SNAP47: variants seen among roughly 807,000 people sequenced by gnomAD.
The protein encoded by SNAP47 is synaptosomal-associated protein 47.
Under a neutral mutation model 31.4 loss-of-function variants are expected in SNAP47, and 20 were observed. The ratio of observed to expected loss-of-function variants is 0.64; its 90% CI spans 0.45 to 0.93. The LOEUF (loss-of-function observed/expected upper bound fraction) is 0.93, where lower values mean the gene tolerates loss of function less well. Among genes scored for constraint, SNAP47 ranks in the 40% least tolerant of loss-of-function variants. SNAP47 has a pLI of 0.00. For missense variants in SNAP47, 492 were observed against 528.5 expected (o/e 0.93, Z 0.68); for synonymous variants, 194 against 213.4 (o/e 0.91, Z 0.79).
chr1:227,735,073 G>T, upstream of SNAP47: 1 of 1,558,454 alleles, frequency 6.4e-7, no homozygotes, highest in South Asian at 1.2e-5. Flanking sequence ...AGCGCCGCCG[G>T]CTGCCCCAGC....
At chr1:227,746,912 C>T (rs995709820) in intron 1 of SNAP47, 1 of 152,220 alleles carries the variant, frequency 6.6e-6, no homozygotes, top group Non-Finnish European at 1.5e-5. Context: ...CTCTTGTTTT[C>T]TTAACCTTAC....
At chr1:227,777,500 C>T (rs138041602) in intron 4 of SNAP47, among the ~76,000 whole-genome samples, 75 of 152,250 alleles carry the variant, frequency 4.9e-4, no homozygotes, top group African/African-American at 1.5e-3. Context: ...TGAGTTGTTG[C>T]GGGTCTCTGC....
rs569157648 is a variant in SNAP47 at position 227,762,271 on chromosome 1, A to G, written c.988+2786A>G. The stretch of plus-strand genomic sequence containing the variant: ...GCCTGTCCAGGTAAGTGCTGGTCTC[A>G]TGGGGGCAGCTGTGCCTCCAGAGGG... On this transcript the variant is annotated intron_variant, in intron 3 of 4. Transcript: ENST00000617596. The surrounding 1 kb of genome is among the most constrained non-coding windows in gnomAD (Gnocchi z 4.2). Among the ~76,000 whole-genome samples, 1 of 152,166 alleles carries G rather than the reference A, an allele frequency of 6.6e-6. No homozygotes were observed. The highest frequency in any genetic ancestry group is 1.5e-5 in the Non-Finnish European group (1 of 68,018).
intron 1 of SNAP47, chr1:227,746,108 T>G (rs567411178): frequency 2.6e-5 from 4 of 152,172 alleles, no homozygotes; most frequent in Non-Finnish European, 5.9e-5. Context: ...GCCCCAAACA[T>G]CCATCCCATT....
At chr1:227,760,648 T>C (rs1373173462) in intron 3 of SNAP47, among the ~76,000 whole-genome samples, 2 of 152,234 alleles carry the variant, frequency 1.3e-5, no homozygotes, top group Non-Finnish European at 2.9e-5. Context: ...TGGTGGCCTC[T>C]TGGTGTTATT....
chr1:227,765,485 T>C (rs1031127250), intron 3 of SNAP47, among the ~76,000 whole-genome samples: 1 of 152,214 alleles, frequency 6.6e-6, no homozygotes, highest in African/African-American at 2.4e-5. Flanking sequence ...AGCAGCTTCA[T>C]GTGAGGGCCT....
chr1:227,772,104 G>A (rs555807234), intron 4 of SNAP47, among the ~76,000 whole-genome samples: 9 of 152,320 alleles, frequency 5.9e-5, no homozygotes, highest in African/African-American at 2.2e-4. Context: ...TGAAGGCCAA[G>A]TGTGCGGGGC....
At chr1:227,734,546 A>C (rs1168442010), upstream of SNAP47, 6 of 1,062,152 alleles carry the variant, frequency 5.6e-6, no homozygotes, top group Non-Finnish European at 8.4e-6. Flanking sequence ...CTCACGGGGA[A>C]AAATAGCTCC....
chr1:227,777,045 A>G (rs1664200933), intron 4 of SNAP47: 2 of 985,246 alleles, frequency 2.0e-6, no homozygotes, highest in Admixed American at 6.1e-5. Flanking sequence ...TAAACTATAG[A>G]AATTTTTGCT....
intron 1 of SNAP47, 124 bp from the exon 2 acceptor site, chr1:227,747,568 A>T: frequency 1.0e-6 from 1 of 957,420 alleles, no homozygotes. Context: ...AGGTGGATCG[A>T]GAGTCAGCCA....
chr1:227,759,285 C>G lies in SNAP47; in HGVS notation c.788C>G (p.Pro263Arg), dbSNP rs199662703. 6.2e-6 allele frequency: 10 copies of G among 1,614,112 alleles called. No individual in the cohort carries two copies. The Admixed American group carries it at 1.7e-4, about 27-fold the overall frequency. ...EDVDDIKVHSPYEISIRQRFI... is the reference protein window; with the variant it reads ...EDVDDIKVHSRYEISIRQRFI... ...GTGGACGACATCAAGGTCCACTCAC[C>G]TTACGAAATTAGCATCCGCCAGCGG... Residue 263 changes from proline (P) to arginine (R), a missense_variant, in exon 3 of 5, where the codon CCT becomes CGT. Physicochemically the swap from Pro to Arg is moderately radical, Grantham distance 103. Coordinates refer to ENST00000617596, the MANE Select transcript of SNAP47 (RefSeq NM_053052.4).
chr1:227,758,743 G>T (rs1330510931), intron 2 of SNAP47, among the ~76,000 whole-genome samples: 1 of 152,206 alleles, frequency 6.6e-6, no homozygotes, highest in Non-Finnish European at 1.5e-5. Context: ...GGCAGAAGGT[G>T]TGCATTTTTG....
chr1:227,756,130 G>T (rs1392419267), intron 2 of SNAP47, among the ~76,000 whole-genome samples: 1 of 152,198 alleles, frequency 6.6e-6, no homozygotes, highest in Non-Finnish European at 1.5e-5. Context: ...ACTGGTCATG[G>T]TCCTCACATT....
At chr1:227,734,152 C>G (rs1660886762), upstream of SNAP47, 1 of 1,160,330 alleles carries the variant, frequency 8.6e-7, no homozygotes, top group Admixed American at 2.5e-5. Context: ...GCTGCAGCCC[C>G]CAAAGAGCCC....
At chr1:227,776,632 AT>A in intron 4 of SNAP47, 4 of 985,494 alleles carry the variant, frequency 4.1e-6, no homozygotes, top group Non-Finnish European at 4.8e-6. Context: ...CATCCCTGTT[AT>A]GTGGAATGCA....
chr1:227,733,540 G>A (rs117793265), upstream of SNAP47: 2,778 of 1,607,410 alleles, frequency 1.7e-3, 49 homozygotes, highest in South Asian at 0.025. Flanking sequence ...AGAGTGCTGG[G>A]GAGGTCACGT....
intron 1 of SNAP47, among the ~76,000 whole-genome samples, chr1:227,736,878 G>A (rs1661241123): frequency 1.3e-5 from 2 of 151,980 alleles, no homozygotes. Flanking sequence ...GGTAGTCCTC[G>A]AGACGGGCAG....
At chr1:227,734,533 T>C (rs1287953450), upstream of SNAP47, 3 of 877,818 alleles carry the variant, frequency 3.4e-6, no homozygotes, top group Non-Finnish European at 5.4e-6. Context: ...CTGATTAAAG[T>C]GCCTCACGGG....
chr1:227,777,913 C>T (rs538563515), intron 4 of SNAP47, among the ~76,000 whole-genome samples: 4 of 152,352 alleles, frequency 2.6e-5, no homozygotes, highest in South Asian at 4.1e-4. Context: ...AGTGTATCCT[C>T]AGGACCGGGG....
Sources: allele counts gnomAD v4.1 joint callset (sites outside exome capture counted in the v4.1 genomes callset), GRCh38; gene constraint gnomAD v4.1.1; non-coding constraint Gnocchi (gnomAD v3.1); transcripts MANE v1.5; gene names NCBI Gene and HGNC (gene_info 2026-07-23, HGNC 2026-07-21).